Variants in LDLRAD4 observed in about 807,000 individuals in gnomAD.
LDLRAD4 encodes the protein low density lipoprotein receptor class A domain containing 4, also known as low-density lipoprotein receptor class A domain-containing protein 4.
A neutral mutation model predicts 17.0 loss-of-function variants in LDLRAD4; 5 were observed. That is an observed-to-expected ratio of 0.29 (90% confidence interval 0.15 to 0.62). The LOEUF is 0.62. Among genes scored for constraint, LDLRAD4 ranks in the 20% least tolerant of loss-of-function variants. The pLI is 0.84. For synonymous variants in LDLRAD4, 168 were observed against 171.8 expected (o/e 0.98, Z 0.17); for missense variants, 340 against 424.7 (o/e 0.80, Z 1.75).
chr18:13,452,617 G>T (rs2091906366), intron 3 of LDLRAD4, among the ~76,000 whole-genome samples: 1 of 152,208 alleles, frequency 6.6e-6, no homozygotes. Context: ...TGGGGCTGGG[G>T]AGTTGGAAAA....
chr18:13,222,587 C>T (rs1441355113), intron 1 of LDLRAD4, among the ~76,000 whole-genome samples: 1 of 152,216 alleles, frequency 6.6e-6, no homozygotes, highest in Non-Finnish European at 1.5e-5. Flanking sequence ...CTGGGCGCCG[C>T]TCATGGGCCT....
intron 3 of LDLRAD4, among the ~76,000 whole-genome samples, chr18:13,476,549 A>G (rs1234036188): frequency 6.6e-6 from 1 of 151,704 alleles, no homozygotes; most frequent in Non-Finnish European, 1.5e-5. Context: ...CCTTGAGCCC[A>G]GGAGATCTAG....
At chr18:13,350,417 A>G (rs891091385) in intron 1 of LDLRAD4, among the ~76,000 whole-genome samples, 2 of 152,236 alleles carry the variant, frequency 1.3e-5, no homozygotes, top group Non-Finnish European at 2.9e-5. Flanking sequence ...TGTTGGCCAC[A>G]TAAATGTCTT....
intron 1 of LDLRAD4, among the ~76,000 whole-genome samples, chr18:13,322,886 A>G (rs551523485): frequency 2.6e-5 from 4 of 151,798 alleles, no homozygotes; most frequent in African/African-American, 9.7e-5. Flanking sequence ...CGGCCTCCCA[A>G]ATTGCTGGCA....
At chr18:13,518,400 G>T (rs976599046) in intron 3 of LDLRAD4, among the ~76,000 whole-genome samples, 2 of 152,030 alleles carry the variant, frequency 1.3e-5, no homozygotes, top group African/African-American at 4.8e-5. Flanking sequence ...TTTTCAAATG[G>T]GATTGTCATT....
intron 2 of LDLRAD4, among the ~76,000 whole-genome samples, chr18:13,418,599 C>A (rs1055783607): frequency 6.6e-6 from 1 of 152,206 alleles, no homozygotes; most frequent in Non-Finnish European, 1.5e-5. Context: ...TTTCGACCAA[C>A]CTGCACTTTG....
chr18:13,233,575 C>A (rs536726804), intron 1 of LDLRAD4, among the ~76,000 whole-genome samples: 1 of 152,206 alleles, frequency 6.6e-6, no homozygotes, highest in South Asian at 2.1e-4. Context: ...GTATTTGTTC[C>A]CCTTCCCTCC....
At chr18:13,603,802 C>T (rs1042040623) in intron 3 of LDLRAD4, among the ~76,000 whole-genome samples, 1 of 152,216 alleles carries the variant, frequency 6.6e-6, no homozygotes, top group African/African-American at 2.4e-5. Flanking sequence ...CACGACCCCG[C>T]TAGCTCTTGC....
At chr18:13,349,830 G>A (rs544043536) in intron 1 of LDLRAD4, among the ~76,000 whole-genome samples, 28 of 150,544 alleles carry the variant, frequency 1.9e-4, no homozygotes, top group Admixed American at 1.4e-3. Flanking sequence ...TCCTCTCCCT[G>A]TGTCCGTGTG....
chr18:13,283,097 T>C (rs1030863741), intron 1 of LDLRAD4, among the ~76,000 whole-genome samples: 4 of 152,218 alleles, frequency 2.6e-5, no homozygotes, highest in Non-Finnish European at 4.4e-5. Context: ...ACGGGGACCC[T>C]GGGCCCAGCC....
At chr18:13,418,025 C>T (rs530377074) in intron 2 of LDLRAD4, among the ~76,000 whole-genome samples, 2 of 152,336 alleles carry the variant, frequency 1.3e-5, no homozygotes, top group South Asian at 2.1e-4. Context: ...GCTCACATCT[C>T]GTTTAAGGTG....
At chr18:13,562,562 C>T (rs1049741648) in intron 3 of LDLRAD4, among the ~76,000 whole-genome samples, 4 of 152,208 alleles carry the variant, frequency 2.6e-5, no homozygotes, top group Non-Finnish European at 5.9e-5. Context: ...GTTCACCACC[C>T]ACGCGGTCCG....
Position 13,446,582 on chromosome 18 carries a change from C to A in LDLRAD4, c.181+8198C>A, listed in dbSNP as rs1250985938. 1.3e-5 allele frequency among the ~76,000 whole-genome samples: 2 copies of A among 152,230 alleles called. 1 individual carries two copies. The highest frequency in any genetic ancestry group is 2.9e-5 in the Non-Finnish European group (2 of 68,040). On this transcript the variant is annotated intron_variant, in intron 3 of 5. Transcript: ENST00000359446. ...TTTCCTCTACAAACTGATAAGCTAT[C>A]CCTTCTTCGATTGTGTCCTGTCCAG...
chr18:13,240,580 G>A (rs913096769), intron 1 of LDLRAD4: 58 of 152,462 alleles, frequency 3.8e-4, no homozygotes, highest in Non-Finnish European at 3.1e-4. Flanking sequence ...ATGCATGTGC[G>A]TGTGTGTGCA....
intron 1 of LDLRAD4, among the ~76,000 whole-genome samples, chr18:13,331,043 TA>T (rs950438698): frequency 2.0e-5 from 3 of 152,214 alleles, no homozygotes; most frequent in Non-Finnish European, 4.4e-5. Flanking sequence ...TCCTTCCTAA[TA>T]AATGCTGTAT....
intron 2 of LDLRAD4, among the ~76,000 whole-genome samples, chr18:13,418,578 A>T (rs909831786): frequency 9.9e-5 from 15 of 152,066 alleles, no homozygotes; most frequent in Non-Finnish European, 1.5e-5. Flanking sequence ...CTTGGGTTTT[A>T]TGTGTTCAAC....
chr18:13,565,393 G>GCCAGGA (rs1272686013), intron 3 of LDLRAD4, among the ~76,000 whole-genome samples: 4 of 152,176 alleles, frequency 2.6e-5, no homozygotes, highest in Non-Finnish European at 5.9e-5. Context: ...CTGGGCCAGG[G>GCCAGGA]CCCGGCCGTG....
At chr18:13,284,310 C>G (rs35191471) in intron 1 of LDLRAD4, among the ~76,000 whole-genome samples, 61,265 of 151,976 alleles carry the variant, frequency 0.4, 15,153 homozygotes, top group Middle Eastern at 0.56. Flanking sequence ...AGACCTGGGC[C>G]TCGTCTCCGC....
chr18:13,242,830 A>G (rs1419119948), intron 1 of LDLRAD4, among the ~76,000 whole-genome samples: 1 of 152,222 alleles, frequency 6.6e-6, no homozygotes, highest in Non-Finnish European at 1.5e-5. Flanking sequence ...TTTAAATCTT[A>G]TCCAACAGCT....
Sources: allele counts gnomAD v4.1 joint callset (sites outside exome capture counted in the v4.1 genomes callset), GRCh38; gene constraint gnomAD v4.1.1; transcripts MANE v1.5; gene names NCBI Gene and HGNC (gene_info 2026-07-23, HGNC 2026-07-21).